The following SYNE2 variants were observed in gnomAD, a reference collection of about 807,000 sequenced individuals.
The protein encoded by SYNE2 is nesprin-2.
A neutral mutation model predicts 856.3 loss-of-function variants in SYNE2; 431 were observed. The observed-to-expected ratio is 0.50, with a 90% CI of 0.47 to 0.55. The LOEUF is 0.55. Among genes scored for constraint, SYNE2 ranks in the 20% least tolerant of loss-of-function variants. The pLI is 0.00. For synonymous variants in SYNE2, 2,923 were observed against 2,872.3 expected, an observed-to-expected ratio of 1.02 and a Z score of -0.56; for missense variants, 8,129 against 8,023.2, an observed-to-expected ratio of 1.01 and a Z score of -0.50.
intron 70 of SYNE2, among the ~76,000 whole-genome samples, chr14:64,124,788 A>C (rs1249114395): frequency 1.3e-5 from 2 of 152,166 alleles, no homozygotes; most frequent in African/African-American, 4.8e-5. Flanking sequence ...GGATCACCTG[A>C]GGTCACGAGT....
At chr14:63,898,143 G>A (rs2095283567) in intron 1 of SYNE2, among the ~76,000 whole-genome samples, 1 of 152,102 alleles carries the variant, frequency 6.6e-6, no homozygotes, top group South Asian at 2.1e-4. Flanking sequence ...ACAGCAGTCT[G>A]TACACTCTCT....
At position 64,223,379 on chromosome 14, in the gene SYNE2, A is replaced by AG; in HGVS notation, c.20382+1dup. The AG allele has an allele frequency of 6.2e-7, 1 of 1,613,706 alleles. No homozygotes were observed. The highest frequency in any genetic ancestry group is 8.5e-7 in the Non-Finnish European group (1 of 1,179,802). The stretch of plus-strand genomic sequence containing the variant: ...GATTTAATGGCCTTGCAGGGAACCC[A>AG]GGTGAGTCTACTTGTAGCTTTTAAC... On this transcript the variant is annotated frameshift_variant and splice_region_variant, in exon 113 of 116. Coordinates refer to ENST00000555002, the MANE Select transcript of SYNE2 (RefSeq NM_182914.3). LOFTEE classifies it high-confidence loss of function.
Position 63,983,805 on chromosome 14 carries a change from A to C in SYNE2, c.2070A>C (p.Leu690=), listed in dbSNP as rs79037871. ...QPTFDNSGNI[L]SKEEKATVEF... ...CTTTTGACAATTCTGGAAATATTCT[A>C]TCTAAAGAAGAGAAAGCAACTGTTG... is the stretch of plus-strand genomic sequence containing the variant. The change falls in exon 18 of 116, where the codon CTA becomes CTC. Residue 690 remains leucine, a synonymous_variant. Coordinates refer to ENST00000555002, the MANE Select transcript of SYNE2 (RefSeq NM_182914.3). The C allele has an allele frequency of 9.9e-6, 16 of 1,611,620 alleles. No individual in the cohort carries two copies. Among genetic ancestry groups the C allele is most frequent in the African/African-American group, 8.0e-5 (6 of 74,890 alleles).
In SYNE2 at chr14:64,087,844, G is replaced by A. The variant is rs2097575376; in HGVS notation, c.11658G>A (p.Gln3886=). 5 of 1,614,022 alleles carry A rather than the reference G, an allele frequency of 3.1e-6. No individual in the cohort carries two copies. The highest frequency in any genetic ancestry group is 4.2e-6 in the Non-Finnish European group (5 of 1,179,948). Residue 3886 remains glutamine, a synonymous_variant, in exon 58 of 116, where the codon CAG becomes CAA. Transcript: ENST00000555002. ...QKIMESLPQI[Q]RMADDVVAIE... is the part of the protein sequence containing the mutation. ...TAATGGAAAGCCTTCCACAGATTCA[G>A]CGAATGGCTGATGTAAGTTTGCACC...
At chr14:64,088,883 A>G (rs1222613198) in intron 58 of SYNE2, among the ~76,000 whole-genome samples, 1 of 152,226 alleles carries the variant, frequency 6.6e-6, no homozygotes, top group African/African-American at 2.4e-5. Flanking sequence ...ACTGAAGCTC[A>G]TTTCAAAATT....
Position 63,779,432 on chromosome 14 carries a change from C to T in SYNE2, c.-305+17446C>T, listed in dbSNP as rs528064633. On this transcript the variant is annotated intron_variant, in intron 1 of 23. Coordinates refer to the SYNE2 transcript ENST00000674003. ...TTCCCCTTCTCACTACTGCGCTTGA[C>T]TGGTCTCAAAAAAAAAAAAAAAAAG... Among the ~76,000 whole-genome samples the T allele has an allele frequency of 6.4e-5, 8 of 125,898 alleles. No individual in the cohort carries two copies. In the South Asian group the frequency reaches 1.2e-3, roughly 20 times the overall value. The allele number at this position is 125,898 out of a possible 152,430, so 82.6% of individuals were successfully genotyped here. A position where few individuals can be genotyped will look rare whatever the true frequency, so the allele number is the denominator to read the frequency against.
chr14:64,005,866 C>T (rs2096792178), intron 30 of SYNE2, among the ~76,000 whole-genome samples: 1 of 152,080 alleles, frequency 6.6e-6, no homozygotes, highest in Admixed American at 6.6e-5. Context: ...AAGTTGGATC[C>T]ATACTCAGGG....
At chr14:64,038,621 C>T (rs1353595520) in intron 45 of SYNE2, among the ~76,000 whole-genome samples, 1 of 152,252 alleles carries the variant, frequency 6.6e-6, no homozygotes, top group African/African-American at 2.4e-5. Context: ...TGGTGGATCA[C>T]TCGGCGGTTA....
chr14:63,773,668 C>T (rs1473982782), intron 1 of SYNE2, among the ~76,000 whole-genome samples: 2 of 152,146 alleles, frequency 1.3e-5, no homozygotes, highest in African/African-American at 4.8e-5. Context: ...TTCAAACAAT[C>T]TTCCTGTCTC....
chr14:64,063,721 C>T (rs2097335262), intron 50 of SYNE2, among the ~76,000 whole-genome samples: 1 of 152,136 alleles, frequency 6.6e-6, no homozygotes, highest in African/African-American at 2.4e-5. Context: ...CAAAAGCGAA[C>T]CAAGAAAAAC....
intron 1 of SYNE2, among the ~76,000 whole-genome samples, chr14:63,840,557 C>A (rs7145810): frequency 0.58 from 84,456 of 145,860 alleles, 25,135 homozygotes; most frequent in South Asian, 0.68. Context: ...GCCAGGCTGG[C>A]CTTGAATTCC....
At chr14:64,091,169 A>G in intron 60 of SYNE2, 121 bp downstream of exon 60, 2 of 889,274 alleles carry the variant, frequency 2.2e-6, no homozygotes, top group Non-Finnish European at 3.6e-6. Context: ...GGCATTTGAT[A>G]TAAAAGCATA....
intron 95 of SYNE2, among the ~76,000 whole-genome samples, chr14:64,175,776 T>C (rs1226278340): frequency 6.6e-6 from 1 of 152,210 alleles, no homozygotes; most frequent in African/African-American, 2.4e-5. Flanking sequence ...TAGTCTGTCG[T>C]GTGTGCCAAA....
intron 83 of SYNE2, among the ~76,000 whole-genome samples, chr14:64,144,639 A>G (rs1410893432): frequency 6.6e-6 from 1 of 152,218 alleles, no homozygotes; most frequent in Non-Finnish European, 1.5e-5. Flanking sequence ...ATAAGGACAA[A>G]AACCCAAAGC....
intron 87 of SYNE2, among the ~76,000 whole-genome samples, chr14:64,161,367 G>A (rs2098328410): frequency 6.6e-6 from 1 of 151,434 alleles, no homozygotes; most frequent in Non-Finnish European, 1.5e-5. Context: ...AAGTAGGGAA[G>A]AAAGGCAAGA....
rs1198508347 is a variant in SYNE2 at position 64,122,086 on chromosome 14, C to T, written c.13233C>T (p.Pro4411=). The change falls in exon 69 of 116, where the codon CCC becomes CCT. Residue 4411 remains proline (P), a synonymous_variant. Coordinates refer to ENST00000555002, the MANE Select transcript of SYNE2 (RefSeq NM_182914.3). ...AATTTAATGCTAAGAAAATGTGGCC[C>T]CAGTATTGCCAACATGATAACGATA... ...FIEFNAKKMW[P]QYCQHDNDTT... 1.2e-6 allele frequency: 2 copies of T among 1,613,906 alleles called. No individual in the cohort carries two copies. The highest frequency in any genetic ancestry group is 2.2e-5 in the East Asian group (1 of 44,862).
intron 99 of SYNE2, among the ~76,000 whole-genome samples, chr14:64,196,580 G>A (rs1268771480): frequency 6.6e-6 from 1 of 152,190 alleles, no homozygotes; most frequent in Non-Finnish European, 1.5e-5. Flanking sequence ...ACAAGAGGAA[G>A]GCATTCCTAT....
intron 11 of SYNE2, among the ~76,000 whole-genome samples, chr14:63,969,049 T>C (rs978766918): frequency 1.3e-5 from 2 of 152,210 alleles, no homozygotes; most frequent in African/African-American, 4.8e-5. Flanking sequence ...ACTGTTTTGA[T>C]TTTTAGATTC....
chr14:64,085,771 G>A (rs953244410), intron 57 of SYNE2, among the ~76,000 whole-genome samples: 2 of 152,042 alleles, frequency 1.3e-5, no homozygotes, highest in Non-Finnish European at 2.9e-5. Flanking sequence ...TAATAATTTT[G>A]AGCATTTATT....
Sources: allele counts gnomAD v4.1 joint callset (sites outside exome capture counted in the v4.1 genomes callset), GRCh38; gene constraint gnomAD v4.1.1; transcripts MANE v1.5; gene names NCBI Gene and HGNC (gene_info 2026-07-23, HGNC 2026-07-21).